CADPS2: variants seen among roughly 807,000 people sequenced by gnomAD.
The protein encoded by CADPS2 is calcium-dependent secretion activator 2.
CADPS2 carries 93 observed loss-of-function variants against 172.5 expected under a neutral mutation model. The observed-to-expected ratio is 0.54, with a 90% confidence interval of 0.46 to 0.64. The LOEUF (loss-of-function observed/expected upper bound fraction) is 0.64, where lower values mean the gene tolerates loss of function less well. Ranked by LOEUF, CADPS2 falls within the 30% of genes least tolerant of loss-of-function variation. The pLI, the probability that CADPS2 is intolerant of heterozygous loss-of-function variation, is 0.00. For synonymous variants in CADPS2, 546 were observed against 555.2 expected, an observed-to-expected ratio of 0.98 and a Z score of 0.23; for missense variants, 1,420 against 1,565.9, an observed-to-expected ratio of 0.91 and a Z score of 1.57.
chr7:122,369,321 C>T (rs760647954), intron 25 of CADPS2, among the ~76,000 whole-genome samples: 49 of 151,970 alleles, frequency 3.2e-4, no homozygotes, highest in Non-Finnish European at 5.3e-4. Context: ...TTAGTAGAAA[C>T]GGGGTTTCAG....
rs201034244 is a variant in CADPS2 at position 122,583,580 on chromosome 7, ATG to A, written c.1224-2292_1224-2291del. 5.7e-4 allele frequency among the ~76,000 whole-genome samples: 87 copies of A among 151,472 alleles called. No homozygotes were observed. The East Asian group carries it at 0.013, about 22-fold the overall frequency. On this transcript the variant is annotated intron_variant, in intron 6 of 29. Transcript: ENST00000449022. ...CACACACATAAATATATCAGAATAT[ATG>A]TGTGTGTATATATATGTAATATATG... is the stretch of plus-strand genomic sequence containing the variant.
At chr7:122,548,631 T>C (rs1418369458) in intron 8 of CADPS2, among the ~76,000 whole-genome samples, 1 of 152,158 alleles carries the variant, frequency 6.6e-6, no homozygotes, top group East Asian at 1.9e-4. Flanking sequence ...CAAATTGTAG[T>C]AAAACATACA....
intron 1 of CADPS2, among the ~76,000 whole-genome samples, chr7:122,744,841 T>C (rs2092653705): frequency 6.6e-6 from 1 of 152,142 alleles, no homozygotes. Context: ...AAATTACATG[T>C]CATCATGGCA....
intron 1 of CADPS2, among the ~76,000 whole-genome samples, chr7:122,742,836 C>T (rs1194228241): frequency 6.6e-6 from 1 of 152,118 alleles, no homozygotes; most frequent in South Asian, 2.1e-4. Context: ...GTTATAATCA[C>T]TAACATAATA....
At chr7:122,431,558 C>G (rs557726466) in intron 17 of CADPS2, among the ~76,000 whole-genome samples, 2 of 152,146 alleles carry the variant, frequency 1.3e-5, no homozygotes, top group East Asian at 3.9e-4. Flanking sequence ...TCGTCAAGGG[C>G]GGGGAGTGTA....
At chr7:122,455,134 C>T (rs1046683058) in intron 14 of CADPS2, among the ~76,000 whole-genome samples, 2 of 152,188 alleles carry the variant, frequency 1.3e-5, no homozygotes, top group East Asian at 1.9e-4. Flanking sequence ...CTCCCCTCCA[C>T]TCAAGCCATG....
intron 5 of CADPS2, among the ~76,000 whole-genome samples, chr7:122,617,137 A>G (rs555942245): frequency 2.8e-4 from 43 of 152,298 alleles, no homozygotes; most frequent in African/African-American, 9.4e-4. Context: ...CACCTCTACT[A>G]TAAGCTACTG....
At chr7:122,411,142 C>A (rs2047256057) in intron 19 of CADPS2, among the ~76,000 whole-genome samples, 2 of 152,098 alleles carry the variant, frequency 1.3e-5, no homozygotes, top group Non-Finnish European at 2.9e-5. Flanking sequence ...GCAGATCAGA[C>A]CACTGTTAGT....
chr7:122,711,104 T>C (rs2088639225), intron 2 of CADPS2, among the ~76,000 whole-genome samples: 1 of 152,108 alleles, frequency 6.6e-6, no homozygotes, highest in South Asian at 2.1e-4. Flanking sequence ...AAGAATTACA[T>C]TGACAACAGT....
intron 1 of CADPS2, among the ~76,000 whole-genome samples, chr7:122,746,724 C>T (rs1588950627): frequency 2.0e-5 from 3 of 152,052 alleles, no homozygotes; most frequent in South Asian, 4.1e-4. Context: ...GGGCTGCATA[C>T]GACCTGTGGG....
chr7:122,803,017 A>G (rs1486599662), intron 1 of CADPS2, among the ~76,000 whole-genome samples: 1 of 152,250 alleles, frequency 6.6e-6, no homozygotes, highest in Non-Finnish European at 1.5e-5. Flanking sequence ...CTAAAAAAAT[A>G]TGAATTATAT....
At chr7:122,639,794 C>A (rs187573420) in intron 3 of CADPS2, among the ~76,000 whole-genome samples, 145 of 152,268 alleles carry the variant, frequency 9.5e-4, no homozygotes, top group African/African-American at 3.3e-3. Context: ...GTCCCTTGAG[C>A]GCTCATAAAC....
chr7:122,320,676 A>T (rs752525222), intron 29 of CADPS2, among the ~76,000 whole-genome samples: 24 of 152,236 alleles, frequency 1.6e-4, no homozygotes, highest in Non-Finnish European at 2.5e-4. Flanking sequence ...GTTTTTAATA[A>T]GAAATTATTA....
At chr7:122,773,657 G>A (rs1275568208) in intron 1 of CADPS2, among the ~76,000 whole-genome samples, 1 of 152,002 alleles carries the variant, frequency 6.6e-6, no homozygotes, top group Admixed American at 6.6e-5. Flanking sequence ...CATCCTTTAT[G>A]TTGTGCAGTG....
At chr7:122,428,454 T>C (rs533282383) in intron 17 of CADPS2, among the ~76,000 whole-genome samples, 122 of 138,396 alleles carry the variant, frequency 8.8e-4, no homozygotes, top group East Asian at 7.2e-3. Context: ...TATACACACA[T>C]ATATATATAT....
chr7:122,809,753 G>A (rs751474777), intron 1 of CADPS2, among the ~76,000 whole-genome samples: 4 of 152,078 alleles, frequency 2.6e-5, no homozygotes, highest in Non-Finnish European at 2.9e-5. Flanking sequence ...TGTTATTCTC[G>A]GGATATACAG....
At chr7:122,756,300 A>T (rs537502802) in intron 1 of CADPS2, among the ~76,000 whole-genome samples, 7 of 152,324 alleles carry the variant, frequency 4.6e-5, no homozygotes, top group African/African-American at 1.7e-4. Context: ...AATGTTGCTT[A>T]GTTATCATTT....
At chr7:122,683,670 A>G (rs1328715512) in intron 2 of CADPS2, among the ~76,000 whole-genome samples, 3 of 152,044 alleles carry the variant, frequency 2.0e-5, no homozygotes, top group Non-Finnish European at 1.5e-5. Context: ...GACAGTACCC[A>G]GACTGTTTCC....
intron 3 of CADPS2, among the ~76,000 whole-genome samples, chr7:122,652,138 T>C (rs983209266): frequency 3.1e-4 from 47 of 152,196 alleles, no homozygotes; most frequent in Non-Finnish European, 4.1e-4. Flanking sequence ...CACACCACTA[T>C]AGCATTTACA....
Sources: gnomAD v4.1 joint callset for allele counts (sites outside exome capture counted in the v4.1 genomes callset) on GRCh38, gnomAD v4.1.1 for gene constraint, MANE v1.5 for transcripts, NCBI Gene and HGNC (gene_info 2026-07-23, HGNC 2026-07-21) for gene names.